The following BDKRB2 variants were observed in gnomAD, a reference collection of about 807,000 sequenced individuals.
BDKRB2 encodes the protein bradykinin receptor B2.
Under a neutral mutation model 4.0 loss-of-function variants are expected in BDKRB2, and 6 were observed. The observed-to-expected ratio is 1.49, with a 90% CI of 0.81 to 2.93. The LOEUF (loss-of-function observed/expected upper bound fraction) is 2.93, where lower values mean the gene tolerates loss of function less well. Among genes scored for constraint, BDKRB2 ranks in the 30% most tolerant of loss-of-function variants. The probability of loss-of-function intolerance (pLI) is 0.00; values close to 1 mark genes in which losing one functional copy is unlikely to be tolerated. For missense variants in BDKRB2, 478 were observed against 520.1 expected (o/e 0.92, Z 0.79); for synonymous variants, 225 against 215.3 (o/e 1.05, Z -0.40).
At chr14:96,208,890 G>A (rs190971201) in intron 1 of BDKRB2, among the ~76,000 whole-genome samples, 2 of 152,362 alleles carry the variant, frequency 1.3e-5, no homozygotes, top group Admixed American at 6.5e-5. Context: ...GCACAGAGAA[G>A]TGGCCCAGCT....
At chr14:96,237,218 G>C (rs777597388) in intron 2 of BDKRB2, 37 bp downstream of exon 2, 2 of 1,562,786 alleles carry the variant, frequency 1.3e-6, no homozygotes, top group South Asian at 2.2e-5. Flanking sequence ...CTAGTTAGGG[G>C]AGGTGGGCAG....
intron 1 of BDKRB2, among the ~76,000 whole-genome samples, chr14:96,223,672 C>T (rs1030155318): frequency 6.6e-6 from 1 of 152,114 alleles, no homozygotes; most frequent in Non-Finnish European, 1.5e-5. Flanking sequence ...GGGATCATGT[C>T]AACTTGCTGT....
At position 96,221,735 on chromosome 14, in the gene BDKRB2, A is replaced by C. The variant is rs139485066; in HGVS notation, c.-39-15334A>C. On this transcript the variant is annotated intron_variant, in intron 1 of 2. Coordinates refer to ENST00000554311, the MANE Select transcript of BDKRB2 (RefSeq NM_001379692.1). ...AGCAAGGAAGAGGCTGGGTAAGGAC[A>C]AAGGACATTGGGACAGACAGAAAGC... Among the ~76,000 whole-genome samples the C allele has an allele frequency of 7.9e-3, 1,208 of 152,170 alleles. 12 individuals are homozygous for C. The highest frequency in any genetic ancestry group is 0.051 in the Middle Eastern group (15 of 294).
At chr14:96,216,750 AGGAG>A (rs1890433047) in intron 1 of BDKRB2, among the ~76,000 whole-genome samples, 1 of 75,054 alleles carries the variant, frequency 1.3e-5, no homozygotes, top group African/African-American at 6.9e-5. Flanking sequence ...AGGAGGAGGA[AGGAG>A]GAGGAGGAGG....
At chr14:96,214,154 T>C (rs1346487189) in intron 1 of BDKRB2, among the ~76,000 whole-genome samples, 1 of 152,154 alleles carries the variant, frequency 6.6e-6, no homozygotes, top group African/African-American at 2.4e-5. Flanking sequence ...CCTCACTCCC[T>C]GCCCTCCAGT....
At position 96,240,738 on chromosome 14, in the gene BDKRB2, T is replaced by A; in HGVS notation, c.410T>A (p.Ile137Asn). ...CTCTGCCGCGTGGTGAATGCCATTA[T>A]CTCCATGAACCTGTACAGCAGCATC... ...ETLCRVVNAI[I>N]SMNLYSSICF... is the part of the protein sequence containing the mutation. Residue 137 changes from isoleucine to asparagine, a missense_variant, in exon 3 of 3, where the codon ATC (isoleucine) becomes AAC (asparagine). Ile to Asn is a moderately radical substitution (Grantham distance 149). Coordinates refer to ENST00000554311, the MANE Select transcript of BDKRB2 (RefSeq NM_001379692.1). 6.3e-7 allele frequency: 1 copy of A among 1,596,846 alleles called. No homozygotes were observed. Among genetic ancestry groups the A allele is most frequent in the Non-Finnish European group, 8.5e-7 (1 of 1,172,526 alleles).
intron 1 of BDKRB2, among the ~76,000 whole-genome samples, chr14:96,213,495 A>AC (rs1890348769): frequency 6.8e-6 from 1 of 146,668 alleles, no homozygotes; most frequent in African/African-American, 2.6e-5. Context: ...GACCGACCCA[A>AC]ACACACACAC....
Position 96,213,528 on chromosome 14 carries a change from A to T in BDKRB2, c.-40+8569A>T, listed in dbSNP as rs539320727. 1.7e-3 allele frequency among the ~76,000 whole-genome samples: 256 copies of T among 150,694 alleles called. 1 individual carries two copies. The highest frequency in any genetic ancestry group is 5.6e-3 in the African/African-American group (230 of 40,922). ...CACACACACACACACACACACACAC[A>T]CACACGTGTACACACACAAGTTGCT... On this transcript the variant is annotated intron_variant, in intron 1 of 2. Transcript: ENST00000554311.
intron 2 of BDKRB2, chr14:96,238,152 G>C: frequency 1.1e-6 from 1 of 945,456 alleles, no homozygotes; most frequent in Non-Finnish European, 1.3e-6. Context: ...GCCTTGGTTG[G>C]AAGATTCAAA....
intron 1 of BDKRB2, among the ~76,000 whole-genome samples, chr14:96,214,153 C>A (rs1368127386): frequency 6.6e-6 from 1 of 152,200 alleles, no homozygotes; most frequent in Non-Finnish European, 1.5e-5. Context: ...CCCTCACTCC[C>A]TGCCCTCCAG....
intron 1 of BDKRB2, among the ~76,000 whole-genome samples, chr14:96,209,207 G>A (rs1235793811): frequency 6.6e-6 from 1 of 152,204 alleles, no homozygotes; most frequent in Non-Finnish European, 1.5e-5. Flanking sequence ...ATGACAGACT[G>A]CGGCAAATCT....
At chr14:96,219,574 A>G (rs1334620046) in intron 1 of BDKRB2, among the ~76,000 whole-genome samples, 1 of 149,574 alleles carries the variant, frequency 6.7e-6, no homozygotes, top group Admixed American at 6.7e-5. Flanking sequence ...AAATGCCCTA[A>G]CTGTAGCAAA....
chr14:96,239,035 A>G, intron 2 of BDKRB2: 1 of 985,430 alleles, frequency 1.0e-6, no homozygotes, highest in Non-Finnish European at 1.2e-6. Context: ...AAGCAAACGG[A>G]CTTTTCCTGG....
At position 96,237,187 on chromosome 14, in the gene BDKRB2, T is replaced by C. The variant is rs769047740; in HGVS notation, c.74+6T>C. 6.2e-7 allele frequency: 1 copy of C among 1,610,112 alleles called. No individual in the cohort carries two copies. ...CCCACCACGGCCTCTTTCAGGTGAG[T>C]CAAAGGGATTCCTCAGTTCACTAGT... is the stretch of plus-strand genomic sequence containing the variant. On this transcript the variant is annotated splice_donor_region_variant and intron_variant, in intron 2 of 2. Transcript: ENST00000554311.
rs1566697156 is a variant in BDKRB2, at chr14:96,241,069, C to G, written c.741C>G (p.Ile247Met). 1.9e-6 allele frequency: 3 copies of G among 1,613,940 alleles called. No individual in the cohort carries two copies. The highest frequency in any genetic ancestry group is 1.3e-5 in the African/African-American group (1 of 74,940). ...LSVITFCTMQ[I>M]MQVLRNNEMQ... Reference sequence around the variant, plus strand: ...TCATCACCTTCTGCACGATGCAGATCATGCAGGTGCTGCGGAACAACGAGA... The same window carrying G: ...TCATCACCTTCTGCACGATGCAGATGATGCAGGTGCTGCGGAACAACGAGA... The change falls in exon 3 of 3, where the codon ATC (isoleucine) becomes ATG (methionine). Residue 247 changes from isoleucine to methionine, a missense_variant. Physicochemically the swap from Ile to Met is conservative, Grantham distance 10 (BLOSUM62 1). Transcript: ENST00000554311.
intron 1 of BDKRB2, among the ~76,000 whole-genome samples, chr14:96,221,149 C>T (rs1370895309): frequency 4.6e-5 from 7 of 152,046 alleles, no homozygotes; most frequent in African/African-American, 2.4e-5. Flanking sequence ...TGGGATAGTA[C>T]CAGTGCCTGC....
At chr14:96,238,055 G>C (rs1890978819) in intron 2 of BDKRB2, 4 of 1,099,816 alleles carry the variant, frequency 3.6e-6, no homozygotes, top group Non-Finnish European at 4.5e-6. Context: ...ACCTTCAGAG[G>C]ACTCTGGAAA....
chr14:96,235,005 A>C (rs1169700994), intron 1 of BDKRB2, among the ~76,000 whole-genome samples: 1 of 152,160 alleles, frequency 6.6e-6, no homozygotes, highest in African/African-American at 2.4e-5. Flanking sequence ...TCCCCTCTGA[A>C]TCACCAGCAA....
Position 96,237,258 on chromosome 14 carries a change from A to G in BDKRB2, c.74+77A>G, listed in dbSNP as rs544552678. On this transcript the variant is annotated intron_variant, in intron 2 of 2. Coordinates refer to ENST00000554311, the MANE Select transcript of BDKRB2 (RefSeq NM_001379692.1). ...CCTGGAGAACTCCCTGGAAAGCTCA[A>G]CTCTCATGCCCCGGACAACAGTTGA... is the stretch of plus-strand genomic sequence containing the variant. 83 of 1,339,998 alleles carry G rather than the reference A, an allele frequency of 6.2e-5. No homozygotes were observed. The East Asian group carries it at 7.6e-4, about 12-fold the overall frequency. The allele number at this position is 1,339,998 out of a possible 1,614,324, so 83.0% of individuals were successfully genotyped here. A position where few individuals can be genotyped will look rare whatever the true frequency, so the allele number is the denominator to read the frequency against.
Sources: allele counts gnomAD v4.1 joint callset (sites outside exome capture counted in the v4.1 genomes callset), GRCh38; gene constraint gnomAD v4.1.1; transcripts MANE v1.5; gene names NCBI Gene and HGNC (gene_info 2026-07-23, HGNC 2026-07-21).